RSAD1: variants seen among roughly 807,000 people sequenced by gnomAD.
RSAD1 encodes the protein radical S-adenosyl methionine domain-containing protein 1, mitochondrial.
Under a neutral mutation model 46.2 loss-of-function variants are expected in RSAD1, and 34 were observed. The observed-to-expected ratio is 0.74, with a 90% CI of 0.56 to 0.98. The LOEUF is 0.98. Among genes scored for constraint, RSAD1 ranks in the 50% least tolerant of loss-of-function variants. RSAD1 has a pLI of 0.00. For synonymous variants in RSAD1, 260 were observed against 253.5 expected, an observed-to-expected ratio of 1.03 and a Z score of -0.24; for missense variants, 635 against 592.3, an observed-to-expected ratio of 1.07 and a Z score of -0.75.
In RSAD1 at chr17:50,479,895, C is replaced by G. The variant is rs1228793705; in HGVS notation, c.285C>G (p.Phe95Leu). The change falls in exon 3 of 9, where the codon TTC (phenylalanine) becomes TTG (leucine). Residue 95 changes from phenylalanine to leucine, a missense_variant. By Grantham distance (22) the Phe-to-Leu change is conservative. Coordinates refer to ENST00000258955, the MANE Select transcript of RSAD1 (RefSeq NM_018346.3). The part of the protein sequence containing the change: ...LSGVQRVESV[F>L]FGGGTPSLAS... ...CTTTCCCCAGGGTGGAGTCTGTGTT[C>G]TTTGGTGGGGGGACCCCCAGTCTAG... The G allele has an allele frequency of 6.2e-7, 1 of 1,613,220 alleles. No individual in the cohort carries two copies. Among genetic ancestry groups the G allele is most frequent in the Non-Finnish European group, 8.5e-7 (1 of 1,179,414 alleles).
intron 5 of RSAD1, among the ~76,000 whole-genome samples, chr17:50,483,071 T>A (rs7220000): frequency 0.039 from 5,680 of 146,610 alleles, 356 homozygotes; most frequent in African/African-American, 0.13. Flanking sequence ...GGGCCTGGTG[T>A]CATGTGCCTC....
chr17:50,483,476 C>T lies in RSAD1; in HGVS notation c.1041C>T (p.Gly347=). Residue 347 remains glycine, a synonymous_variant, in exon 6 of 9, where the codon GGC becomes GGT. Coordinates refer to ENST00000258955, the MANE Select transcript of RSAD1 (RefSeq NM_018346.3). ...GCACCCGGAAGCGTGTCCCCCTGGG[C>T]AGGCTGGAGCTGTGAGCATCCAAGG... is the stretch of plus-strand genomic sequence containing the variant. The part of the protein sequence containing the change: ...GHGTRKRVPL[G]RLELLEEVLA... 3.1e-6 allele frequency: 5 copies of T among 1,612,910 alleles called. No individual in the cohort carries two copies. Among genetic ancestry groups the T allele is most frequent in the Non-Finnish European group, 4.2e-6 (5 of 1,179,520 alleles).
In RSAD1 at chr17:50,483,713, GA is replaced by G; in HGVS notation, c.1062del (p.Val355PhefsTer24). The G allele has an allele frequency of 2.5e-6, 4 of 1,613,118 alleles. No homozygotes were observed. The highest frequency in any genetic ancestry group is 3.4e-6 in the Non-Finnish European group (4 of 1,179,778). ...VPLGRLELLE[E>X]VLALGLRTDV... is the part of the protein sequence containing the mutation. ...TGGTGATTTTTCTTTGAGGCTGGAG[GA>G]AGTTTTGGCCCTGGGGCTACGCACC... is the stretch of plus-strand genomic sequence containing the variant. On this transcript the variant is annotated frameshift_variant, in exon 7 of 9. Coordinates refer to ENST00000258955, the MANE Select transcript of RSAD1 (RefSeq NM_018346.3). LOFTEE classifies it high-confidence loss of function.
At chr17:50,484,387 T>C (rs1171393108) in intron 7 of RSAD1, 55 bp from the exon 8 acceptor site, 2 of 1,495,674 alleles carry the variant, frequency 1.3e-6, no homozygotes, top group East Asian at 2.3e-5. Context: ...ACCCCAACTA[T>C]GTGGCCCAGA....
In RSAD1 at chr17:50,479,713, T is replaced by C; in HGVS notation, c.220T>C (p.Cys74Arg). Reference sequence around the variant, plus strand: ...CCTGGAGGAGGCTGCCATGCAGAAGTGTCTGGTGACCGAAGCTCAGACGCT... The same window carrying C: ...CCTGGAGGAGGCTGCCATGCAGAAGCGTCTGGTGACCGAAGCTCAGACGCT... Reference protein sequence around the residue: ...RRLEEAAMQKCLVTEAQTLLR... With the variant: ...RRLEEAAMQKRLVTEAQTLLR... Residue 74 changes from cysteine (C) to arginine (R), a missense_variant, in exon 2 of 9, where the codon TGT becomes CGT. Transcript: ENST00000258955. The C allele has an allele frequency of 1.9e-6, 3 of 1,613,652 alleles. No individual in the cohort carries two copies. The South Asian group carries it at 3.3e-5, about 18-fold the overall frequency.
intron 1 of RSAD1, 143 bp downstream of exon 1, chr17:50,479,162 G>C (rs2033347777): frequency 1.1e-6 from 1 of 921,272 alleles, no homozygotes; most frequent in Non-Finnish European, 1.4e-6. Flanking sequence ...TCTGGGATGG[G>C]ACCCTGTGCT....
chr17:50,478,931 G>C lies in RSAD1; in HGVS notation c.47G>C (p.Arg16Thr), dbSNP rs1291949572. Residue 16 changes from arginine (R) to threonine (T), a missense_variant, in exon 1 of 9, where the codon AGA becomes ACA. Physicochemically the swap from Arg to Thr is moderately conservative, Grantham distance 71. Transcript: ENST00000258955. ...GCTCGCGGCTGGGCGGCAGCAGCCA[G>C]AGCGGCCCAGAGGCGCCGCCGCGTG... is the stretch of plus-strand genomic sequence containing the variant. Reference protein sequence around the residue: ...ARARGWAAAARAAQRRRRVEN... With the variant: ...ARARGWAAAATAAQRRRRVEN... 3 of 1,364,506 alleles carry C rather than the reference G, an allele frequency of 2.2e-6. No individual in the cohort carries two copies. Among genetic ancestry groups the C allele is most frequent in the Non-Finnish European group, 1.9e-6 (2 of 1,065,302 alleles). 84.5% of individuals were successfully genotyped at this position (1,364,506 alleles called of 1,614,324 possible). A position where few individuals can be genotyped will look rare whatever the true frequency, so the allele number is the denominator to read the frequency against.
chr17:50,484,834 A>C lies in RSAD1; in HGVS notation c.1302A>C (p.Arg434Ser). 6.2e-7 allele frequency: 1 copy of C among 1,613,972 alleles called. No individual in the cohort carries two copies. The highest frequency in any genetic ancestry group is 1.3e-5 in the African/African-American group (1 of 75,018). ...LPQLQEAWQQRTPSPVPGG is the reference protein window; with the variant it reads ...LPQLQEAWQQSTPSPVPGG Reference sequence around the variant, plus strand: ...AGCTCCAAGAAGCCTGGCAGCAGAGAACCCCCTCCCCTGTGCCAGGAGGAT... The same window carrying C: ...AGCTCCAAGAAGCCTGGCAGCAGAGCACCCCCTCCCCTGTGCCAGGAGGAT... The change falls in exon 9 of 9, where the codon AGA becomes AGC. Residue 434 changes from arginine (R) to serine (S), a missense_variant. Physicochemically the swap from Arg to Ser is moderately radical, Grantham distance 110. Coordinates refer to ENST00000258955, the MANE Select transcript of RSAD1 (RefSeq NM_018346.3).
chr17:50,484,989 C>G lies in RSAD1; in HGVS notation c.*128C>G, dbSNP rs2033435572. ...TGTGGTTATTGCTCAGCCCTGGCAT[C>G]CCCAGGGGAATGGCAGCAGTGAGGT... On this transcript the variant is annotated 3_prime_UTR_variant, in exon 9 of 9. Transcript: ENST00000258955. 1.4e-6 allele frequency: 1 copy of G among 711,262 alleles called. No individual in the cohort carries two copies. The highest frequency in any genetic ancestry group is 2.4e-6 in the Non-Finnish European group (1 of 412,380). 44.1% of individuals were successfully genotyped at this position (711,262 alleles called of 1,614,324 possible). A position where few individuals can be genotyped will look rare whatever the true frequency, so the allele number is the denominator to read the frequency against.
At chr17:50,482,520 G>A in intron 4 of RSAD1, 64 bp downstream of exon 4, 1 of 1,609,292 alleles carries the variant, frequency 6.2e-7, no homozygotes, top group East Asian at 2.2e-5. Flanking sequence ...CCAGGGCGTT[G>A]TGACCTTCTG....
rs368804418 is a variant in RSAD1 at position 50,483,409 on chromosome 17, A to T, written c.974A>T (p.Glu325Val). 1 of 1,613,734 alleles carries T rather than the reference A, an allele frequency of 6.2e-7. No individual in the cohort carries two copies. Among genetic ancestry groups the T allele is most frequent in the Non-Finnish European group, 8.5e-7 (1 of 1,179,944 alleles). The change falls in exon 6 of 9, where the codon GAG (glutamate) becomes GTG (valine). Residue 325 changes from glutamate (E) to valine (V), a missense_variant. Coordinates refer to ENST00000258955, the MANE Select transcript of RSAD1 (RefSeq NM_018346.3). ...CGGGAGGCTCGGATCCAGACACTGG[A>T]GCCTGACAACTGGATGAAGGAGGTG... ...HTREARIQTL[E>V]PDNWMKEVML...
In RSAD1 at chr17:50,482,697, G is replaced by A. The variant is rs143685560; in HGVS notation, c.895G>A (p.Val299Ile). ...TYWQCGQYLG[V>I]GPGAHGRFMP... is the part of the protein sequence containing the mutation. ...CTGGCAGTGTGGTCAGTACCTTGGCGTTGGGCCTGGTGAGTCCCGTGAACT... is the reference window on the plus strand; with the variant it reads ...CTGGCAGTGTGGTCAGTACCTTGGCATTGGGCCTGGTGAGTCCCGTGAACT... The change falls in exon 5 of 9, where the codon GTT (valine) becomes ATT (isoleucine). Residue 299 changes from valine to isoleucine, a missense_variant. Physicochemically the swap from Val to Ile is conservative, Grantham distance 29 (BLOSUM62 3). Coordinates refer to ENST00000258955, the MANE Select transcript of RSAD1 (RefSeq NM_018346.3). 881 of 1,614,104 alleles carry A rather than the reference G, an allele frequency of 5.5e-4. 5 individuals are homozygous for A. In the African/African-American group the frequency reaches 7.4e-3, roughly 14 times the overall value.
Position 50,483,694 on chromosome 17 carries a change from T to C in RSAD1, c.1053-12T>C. The C allele has an allele frequency of 1.2e-6, 2 of 1,613,018 alleles. No homozygotes were observed. The highest frequency in any genetic ancestry group is 1.7e-6 in the Non-Finnish European group (2 of 1,179,648). ...CCTCCTCTCTAAGACTCCTTGGTGA[T>C]TTTTCTTTGAGGCTGGAGGAAGTTT... is the stretch of plus-strand genomic sequence containing the variant. On this transcript the variant is annotated splice_polypyrimidine_tract_variant and intron_variant, in intron 6 of 8. Transcript: ENST00000258955.
chr17:50,483,503 C>T lies in RSAD1; in HGVS notation c.1052+16C>T. ...GGCTGGAGCTGTGAGCATCCAAGGG[C>T]ACAGGGCTCTCCTCCAGGATCCCCA... On this transcript the variant is annotated intron_variant, in intron 6 of 8. Coordinates refer to ENST00000258955, the MANE Select transcript of RSAD1 (RefSeq NM_018346.3). The T allele has an allele frequency of 6.2e-7, 1 of 1,611,380 alleles. No individual in the cohort carries two copies. The highest frequency in any genetic ancestry group is 8.5e-7 in the Non-Finnish European group (1 of 1,178,794).
At chr17:50,482,537 A>G (rs1598444397) in intron 4 of RSAD1, 81 bp downstream of exon 4, 1 of 1,611,196 alleles carries the variant, frequency 6.2e-7, no homozygotes, top group East Asian at 2.2e-5. Flanking sequence ...TCTGAAGAGA[A>G]GGATCCTGGC....
At chr17:50,480,957 G>A (rs974633137) in intron 3 of RSAD1, among the ~76,000 whole-genome samples, 1 of 152,186 alleles carries the variant, frequency 6.6e-6, no homozygotes, top group Admixed American at 6.5e-5. Flanking sequence ...GTTTTTAAAT[G>A]TACATACAGC....
chr17:50,479,542 G>A, intron 1 of RSAD1, 87 bp from the exon 2 acceptor site: 33 of 1,555,200 alleles, frequency 2.1e-5, no homozygotes, highest in Non-Finnish European at 2.7e-5. Context: ...CGGGATAGGG[G>A]TGGGGGTGGG....
rs774045831 is a variant in RSAD1 at position 50,482,475 on chromosome 17, G to A, written c.840+19G>A. 6.9e-6 allele frequency: 11 copies of A among 1,598,210 alleles called. No individual in the cohort carries two copies. The highest frequency in any genetic ancestry group is 9.4e-6 in the Non-Finnish European group (11 of 1,175,534). ...CCGGAATGTAAGTTCTGGGGCTGATGGCTGGAGGTGGAGGATGGGCAGACT... is the reference window on the plus strand; with the variant it reads ...CCGGAATGTAAGTTCTGGGGCTGATAGCTGGAGGTGGAGGATGGGCAGACT... On this transcript the variant is annotated intron_variant, in intron 4 of 8. Coordinates refer to ENST00000258955, the MANE Select transcript of RSAD1 (RefSeq NM_018346.3).
At chr17:50,479,069 C>A in intron 1 of RSAD1, 50 bp downstream of exon 1, 1 of 1,294,358 alleles carries the variant, frequency 7.7e-7, no homozygotes, top group Non-Finnish European at 9.8e-7. Context: ...CAGCCCTGGC[C>A]GTGACCGTGG....
Sources: allele counts gnomAD v4.1 joint callset (sites outside exome capture counted in the v4.1 genomes callset), GRCh38; gene constraint gnomAD v4.1.1; transcripts MANE v1.5; gene names NCBI Gene and HGNC (gene_info 2026-07-23, HGNC 2026-07-21).